PTPRE: variants seen among roughly 807,000 people sequenced by gnomAD.
PTPRE encodes the protein protein tyrosine phosphatase receptor type E.
In PTPRE, 51 loss-of-function variants were observed where a neutral mutation model predicts 102.0. That is an observed-to-expected ratio of 0.50 (90% CI 0.40 to 0.63). PTPRE has a LOEUF of 0.63. Among genes scored for constraint, PTPRE ranks in the 30% least tolerant of loss-of-function variants. The pLI is 0.00. For synonymous variants in PTPRE, 345 were observed against 348.2 expected, an observed-to-expected ratio of 0.99 and a Z score of 0.10; for missense variants, 752 against 915.1, an observed-to-expected ratio of 0.82 and a Z score of 2.30.
At chr10:128,016,360 A>G (rs1352347126) in intron 2 of PTPRE, among the ~76,000 whole-genome samples, 4 of 152,188 alleles carry the variant, frequency 2.6e-5, no homozygotes, top group Admixed American at 1.3e-4. Flanking sequence ...TATGTTAACC[A>G]GGCACCCCCA....
At chr10:128,043,683 A>ATATG (rs1847888555) in intron 3 of PTPRE, among the ~76,000 whole-genome samples, 2 of 152,012 alleles carry the variant, frequency 1.3e-5, no homozygotes, top group African/African-American at 4.8e-5. Flanking sequence ...AAAGATATAT[A>ATATG]TGTGTGTGTG....
chr10:127,982,420 T>C, intron 2 of PTPRE, 124 bp downstream of exon 2: 1 of 663,618 alleles, frequency 1.5e-6, no homozygotes, highest in South Asian at 1.9e-5. Flanking sequence ...GGTCAGTGTG[T>C]TATATTTGAA....
intron 1 of PTPRE, among the ~76,000 whole-genome samples, chr10:127,909,553 C>T (rs1460068932): frequency 6.6e-6 from 1 of 152,226 alleles, no homozygotes; most frequent in Non-Finnish European, 1.5e-5. Context: ...TGCCCCTTGA[C>T]TCAATGCGTC....
Position 127,910,903 on chromosome 10 carries a change from A to G in PTPRE, c.-31+3594A>G, listed in dbSNP as rs148935994. 7.3e-3 allele frequency among the ~76,000 whole-genome samples: 1,117 copies of G among 152,270 alleles called. 6 individuals carry two copies. The highest frequency in any genetic ancestry group is 0.014 in the Admixed American group (215 of 15,288). Reference sequence around the variant, plus strand: ...ATTCCAGACCGGCATAGGCAACATGATGGAACTCTGTACCAAAAACACAAA... The same window carrying G: ...ATTCCAGACCGGCATAGGCAACATGGTGGAACTCTGTACCAAAAACACAAA... On this transcript the variant is annotated intron_variant, in intron 1 of 20. Transcript: ENST00000254667.
chr10:127,919,080 G>A (rs1335290250), intron 1 of PTPRE, among the ~76,000 whole-genome samples: 4 of 152,130 alleles, frequency 2.6e-5, no homozygotes, highest in Non-Finnish European at 5.9e-5. Context: ...CCTTACCCAG[G>A]TACCATTCTG....
intron 2 of PTPRE, among the ~76,000 whole-genome samples, chr10:128,013,685 CA>C (rs1219550668): frequency 6.6e-6 from 1 of 152,196 alleles, no homozygotes; most frequent in African/African-American, 2.4e-5. Flanking sequence ...AAATAGGCTC[CA>C]GGGGACCTAT....
intron 1 of PTPRE, among the ~76,000 whole-genome samples, chr10:127,932,519 GC>G (rs1847520476): frequency 6.6e-6 from 1 of 152,252 alleles, no homozygotes; most frequent in African/African-American, 2.4e-5. Context: ...TTTCTCTCCA[GC>G]CTTTTGCGCA....
At chr10:127,982,755 G>A (rs966277304) in intron 2 of PTPRE, among the ~76,000 whole-genome samples, 7 of 152,060 alleles carry the variant, frequency 4.6e-5, no homozygotes, top group African/African-American at 1.2e-4. Context: ...GAGCTTCTCC[G>A]GATTGCATGC....
intron 2 of PTPRE, among the ~76,000 whole-genome samples, chr10:128,003,002 A>G (rs1451943594): frequency 6.6e-6 from 1 of 152,182 alleles, no homozygotes; most frequent in Non-Finnish European, 1.5e-5. Context: ...CCTGGGAGTC[A>G]TATGTCTTAT....
intron 6 of PTPRE, among the ~76,000 whole-genome samples, chr10:128,055,816 G>A (rs1475128613): frequency 6.6e-6 from 1 of 152,208 alleles, no homozygotes; most frequent in Non-Finnish European, 1.5e-5. Flanking sequence ...CATGGGCCCT[G>A]AGATACCATG....
intron 2 of PTPRE, among the ~76,000 whole-genome samples, chr10:128,009,900 A>G (rs1319659187): frequency 3.9e-5 from 6 of 152,226 alleles, no homozygotes; most frequent in Non-Finnish European, 7.3e-5. Context: ...TCAGGGGGAC[A>G]TATGAGTCAC....
At chr10:128,002,771 C>T (rs556573404) in intron 2 of PTPRE, among the ~76,000 whole-genome samples, 5 of 129,808 alleles carry the variant, frequency 3.9e-5, no homozygotes, top group South Asian at 5.0e-4. Flanking sequence ...GGTGCGATCA[C>T]GGCTCTTGAC....
rs1420720481 is a variant in PTPRE at position 127,925,441 on chromosome 10, A to G, written c.-31+18132A>G. Among the ~76,000 whole-genome samples, 6 of 152,286 alleles carry G rather than the reference A, an allele frequency of 3.9e-5. No homozygotes were observed. In the South Asian group the frequency reaches 8.3e-4, roughly 21 times the overall value. On this transcript the variant is annotated intron_variant, in intron 1 of 20. Transcript: ENST00000254667. The stretch of plus-strand genomic sequence containing the variant: ...GGGTGGATTAGTTGTGGCTCCTGGC[A>G]ATATCCCGGATCTGACTGGTTAACT...
At chr10:127,977,301 T>C (rs1851253860) in intron 1 of PTPRE, among the ~76,000 whole-genome samples, 1 of 152,224 alleles carries the variant, frequency 6.6e-6, no homozygotes, top group Non-Finnish European at 1.5e-5. Flanking sequence ...GGAGTTTTAT[T>C]CCATATCCTT....
At chr10:127,988,950 G>C (rs946094405) in intron 2 of PTPRE, among the ~76,000 whole-genome samples, 4 of 152,044 alleles carry the variant, frequency 2.6e-5, no homozygotes, top group Non-Finnish European at 5.9e-5. Flanking sequence ...AGATTTTCTG[G>C]GTAGCTTTTC....
At chr10:127,941,622 T>G (rs1848250943) in intron 1 of PTPRE, among the ~76,000 whole-genome samples, 1 of 152,252 alleles carries the variant, frequency 6.6e-6, no homozygotes, top group Non-Finnish European at 1.5e-5. Flanking sequence ...GTAGGCTAAA[T>G]AGGAGCCATT....
Position 128,069,645 on chromosome 10 carries a change from C to G in PTPRE, c.1008-47C>G, listed in dbSNP as rs774940136. ...CCCCTTCGGGGCCTTTCATTTACTT[C>G]GGGAGGAGTGTGACTCACGACGCAG... On this transcript the variant is annotated intron_variant, in intron 12 of 20. Transcript: ENST00000254667. 7.5e-6 allele frequency: 12 copies of G among 1,609,438 alleles called. No homozygotes were observed. In the East Asian group the frequency reaches 2.2e-4, roughly 30 times the overall value.
intron 2 of PTPRE, among the ~76,000 whole-genome samples, chr10:127,988,663 C>T (rs1050377028): frequency 3.3e-5 from 5 of 151,976 alleles, no homozygotes; most frequent in African/African-American, 4.8e-5. Flanking sequence ...ACAACAGATG[C>T]GGGGAACTCC....
At chr10:127,953,196 G>A (rs963376883) in intron 1 of PTPRE, among the ~76,000 whole-genome samples, 2 of 152,250 alleles carry the variant, frequency 1.3e-5, no homozygotes, top group Non-Finnish European at 2.9e-5. Flanking sequence ...AGGCTGCTGG[G>A]CAAGCTGCTC....
Sources: gnomAD v4.1 joint callset for allele counts (sites outside exome capture counted in the v4.1 genomes callset) on GRCh38, gnomAD v4.1.1 for gene constraint, MANE v1.5 for transcripts, NCBI Gene and HGNC (gene_info 2026-07-23, HGNC 2026-07-21) for gene names.